Variants in MAPT observed in about 807,000 individuals in gnomAD.
MAPT encodes microtubule associated protein tau.
Under a neutral mutation model 67.9 loss-of-function variants are expected in MAPT, and 34 were observed. The ratio of observed to expected loss-of-function variants is 0.50; its 90% CI spans 0.38 to 0.67. The LOEUF is 0.67. MAPT is among the 30% of genes least tolerant of loss of function. The pLI, the probability that MAPT is intolerant of heterozygous loss-of-function variation, is 0.00. For missense variants in MAPT, 881 were observed against 1,115.2 expected (o/e 0.79, Z 2.99); for synonymous variants, 456 against 464.5 (o/e 0.98, Z 0.23).
At chr17:46,011,954 T>TC (rs1408608351) in intron 10 of MAPT, among the ~76,000 whole-genome samples, 2 of 152,198 alleles carry the variant, frequency 1.3e-5, no homozygotes, top group African/African-American at 2.4e-5. Flanking sequence ...GCTAAGTGTC[T>TC]CCTCTGTCTC....
chr17:46,006,525 G>A (rs2075423887), intron 9 of MAPT, among the ~76,000 whole-genome samples: 1 of 152,040 alleles, frequency 6.6e-6, no homozygotes, highest in Non-Finnish European at 1.5e-5. Flanking sequence ...AGCACAGCAG[G>A]GTGACGACAG....
intron 2 of MAPT, among the ~76,000 whole-genome samples, chr17:45,966,421 C>G (rs1022389431): frequency 2.0e-5 from 3 of 152,018 alleles, no homozygotes; most frequent in African/African-American, 7.3e-5. Context: ...AATCCTGTCT[C>G]TAAAAAAAAT....
chr17:45,944,595 G>A (rs558906855), intron 1 of MAPT, among the ~76,000 whole-genome samples: 36 of 152,320 alleles, frequency 2.4e-4, no homozygotes, highest in African/African-American at 8.4e-4. Context: ...GCCCGGGTCG[G>A]GGTACAGGGT....
At position 46,014,374 on chromosome 17, in the gene MAPT, G is replaced by A. The variant is rs921042094; in HGVS notation, c.2173+50G>A. ...GGGACGGGAGGGTGCAGGGGGTGGA[G>A]GAGTCCTGGTGAGGCTGGAACTGCT... is the stretch of plus-strand genomic sequence containing the variant. On this transcript the variant is annotated intron_variant, in intron 11 of 12. Coordinates refer to ENST00000262410, the MANE Select transcript of MAPT (RefSeq NM_001377265.1). 4.5e-6 allele frequency: 6 copies of A among 1,338,734 alleles called. No homozygotes were observed. In the East Asian group the frequency reaches 9.2e-5, roughly 20 times the overall value. 82.9% of individuals were successfully genotyped at this position (1,338,734 alleles called of 1,614,324 possible). A position where few individuals can be genotyped will look rare whatever the true frequency, so the allele number is the denominator to read the frequency against.
Position 46,010,447 on chromosome 17 carries a change from T to A in MAPT, c.2091+45T>A. The stretch of plus-strand genomic sequence containing the variant: ...CCATGCGCCGTGCTGTGGCTTGAAT[T>A]ATTAGGAAGTGGTGTGAGTGCGTAC... On this transcript the variant is annotated intron_variant, in intron 10 of 12. Coordinates refer to ENST00000262410, the MANE Select transcript of MAPT (RefSeq NM_001377265.1). The surrounding 1 kb of genome is among the most constrained non-coding windows in gnomAD (Gnocchi z 4.7). 1.5e-6 allele frequency: 2 copies of A among 1,338,704 alleles called. No individual in the cohort carries two copies. The highest frequency in any genetic ancestry group is 2.1e-6 in the Non-Finnish European group (2 of 951,876). The allele number at this position is 1,338,704 out of a possible 1,614,324, so 82.9% of individuals were successfully genotyped here.
intron 3 of MAPT, chr17:45,974,746 A>T (rs775358728): frequency 8.6e-6 from 4 of 463,848 alleles, no homozygotes; most frequent in Non-Finnish European, 1.6e-5. Context: ...AGTTCCAGAG[A>T]CTTCTCTGCA....
chr17:45,969,765 A>G (rs1180687535), intron 2 of MAPT, among the ~76,000 whole-genome samples: 1 of 151,836 alleles, frequency 6.6e-6, no homozygotes, highest in Non-Finnish European at 1.5e-5. Flanking sequence ...TCATCCATCT[A>G]TCCATTTATC....
At chr17:45,903,879 T>TATATATTTATATATTTATATATTA (rs1232933731) in intron 1 of MAPT, among the ~76,000 whole-genome samples, 5 of 28,158 alleles carry the variant, frequency 1.8e-4, no homozygotes, top group African/African-American at 6.1e-4. Flanking sequence ...TATTATATAT[T>TATATATTTATATATTTATATATTA]TATATATTTA....
Position 45,983,780 on chromosome 17 carries a change from G to A in MAPT, c.1201G>A (p.Ala401Thr), listed in dbSNP as rs778113811. Residue 401 changes from alanine (A) to threonine (T), a missense_variant, in exon 5 of 13, where the codon GCA (alanine) becomes ACA (threonine). Ala to Thr is a moderately conservative substitution (Grantham distance 58). Transcript: ENST00000262410. ...AHSEEHLGRAAFPGAPGEGPE... is the reference protein window; with the variant it reads ...AHSEEHLGRATFPGAPGEGPE... Reference sequence around the variant, plus strand: ...CTCGGAGGAGCATTTGGGAAGGGCTGCATTTCCAGGGGCCCCTGGAGAGGG... The same window carrying A: ...CTCGGAGGAGCATTTGGGAAGGGCTACATTTCCAGGGGCCCCTGGAGAGGG... The A allele has an allele frequency of 1.9e-6, 3 of 1,613,928 alleles. No homozygotes were observed. The highest frequency in any genetic ancestry group is 2.7e-5 in the African/African-American group (2 of 74,942).
rs1212739471 is a variant in MAPT at position 45,906,991 on chromosome 17, A to G, written c.-18+12305A>G. ...ATGAGTTGTTCCCTGTTTCAATTCC[A>G]AAATTCATATCCAATCCGTTTTGCA... On this transcript the variant is annotated intron_variant, in intron 1 of 12. Transcript: ENST00000262410. The surrounding 1 kb of genome is among the most constrained non-coding windows in gnomAD (Gnocchi z 4.3). 1.3e-5 allele frequency among the ~76,000 whole-genome samples: 2 copies of G among 152,208 alleles called. No individual in the cohort carries two copies. The highest frequency in any genetic ancestry group is 2.9e-5 in the Non-Finnish European group (2 of 68,038).
intron 3 of MAPT, among the ~76,000 whole-genome samples, chr17:45,972,492 A>AT (rs931448437): frequency 2.0e-4 from 30 of 152,190 alleles, no homozygotes; most frequent in African/African-American, 6.3e-4. Context: ...CTCAGTCCTG[A>AT]TTTTGACCAT....
At chr17:45,922,712 G>A (rs2144461098) in intron 1 of MAPT, among the ~76,000 whole-genome samples, 1 of 152,296 alleles carries the variant, frequency 6.6e-6, no homozygotes, top group Non-Finnish European at 1.5e-5. Context: ...GGATGGAAAT[G>A]TGGTCTAAAG....
intron 1 of MAPT, among the ~76,000 whole-genome samples, chr17:45,903,959 T>TTTA (rs1431705592): frequency 5.4e-5 from 1 of 18,534 alleles, no homozygotes; most frequent in African/African-American, 1.9e-4. Flanking sequence ...ATATTATATA[T>TTTA]TATATATTAT....
Position 45,983,782 on chromosome 17 carries a change from A to G in MAPT, c.1203A>G (p.Ala401=). The G allele has an allele frequency of 6.2e-7, 1 of 1,613,970 alleles. No individual in the cohort carries two copies. Among genetic ancestry groups the G allele is most frequent in the Non-Finnish European group, 8.5e-7 (1 of 1,179,978 alleles). The change falls in exon 5 of 13, where the codon GCA becomes GCG. Residue 401 remains alanine (A), a synonymous_variant. Transcript: ENST00000262410. ...AHSEEHLGRA[A]FPGAPGEGPE... The stretch of plus-strand genomic sequence containing the variant: ...CGGAGGAGCATTTGGGAAGGGCTGC[A>G]TTTCCAGGGGCCCCTGGAGAGGGGC...
At chr17:45,947,328 A>C (rs2068602029) in intron 1 of MAPT, among the ~76,000 whole-genome samples, 1 of 151,394 alleles carries the variant, frequency 6.6e-6, no homozygotes, top group Non-Finnish European at 1.5e-5. Context: ...CATCTGAGAC[A>C]CCAAGATCCA....
chr17:45,972,581 T>C (rs747445883), intron 3 of MAPT, among the ~76,000 whole-genome samples: 4 of 152,236 alleles, frequency 2.6e-5, no homozygotes, highest in South Asian at 4.1e-4. Flanking sequence ...CTGTGGCATT[T>C]ACATGAAGAG....
At chr17:46,018,518 G>A in intron 11 of MAPT, 100 bp from the exon 12 acceptor site, 1 of 903,254 alleles carries the variant, frequency 1.1e-6, no homozygotes, top group South Asian at 1.3e-5. Flanking sequence ...GCAGCCCCTG[G>A]CACTTTGCCC....
At chr17:45,946,615 A>ATATAT (rs1555692455) in intron 1 of MAPT, among the ~76,000 whole-genome samples, 60 of 100,392 alleles carry the variant, frequency 6.0e-4, no homozygotes, top group African/African-American at 2.5e-3. Flanking sequence ...AAAAAAAAAA[A>ATATAT]ATATATATAT....
chr17:45,904,916 G>A (rs2064197391), intron 1 of MAPT, among the ~76,000 whole-genome samples: 1 of 151,994 alleles, frequency 6.6e-6, no homozygotes, highest in South Asian at 2.1e-4. Context: ...GTTACACTGG[G>A]GCACAGCAAA....
Sources: allele counts gnomAD v4.1 joint callset (sites outside exome capture counted in the v4.1 genomes callset), GRCh38; gene constraint gnomAD v4.1.1; non-coding constraint Gnocchi (gnomAD v3.1); transcripts MANE v1.5; gene names NCBI Gene and HGNC (gene_info 2026-07-23, HGNC 2026-07-21).